PARN: variants seen among roughly 807,000 people sequenced by gnomAD.
PARN encodes the protein poly(A)-specific ribonuclease, also known as poly(A)-specific ribonuclease PARN.
PARN carries 71 observed loss-of-function variants against 102.8 expected under a neutral mutation model. The observed-to-expected ratio is 0.69, with a 90% confidence interval of 0.57 to 0.84. PARN has a LOEUF of 0.84. Among genes scored for constraint, PARN ranks in the 40% least tolerant of loss-of-function variants. PARN has a pLI of 0.00. For synonymous variants in PARN, 261 were observed against 252.9 expected (o/e 1.03, Z -0.30); for missense variants, 782 against 760.9 (o/e 1.03, Z -0.33).
At chr16:14,622,514 T>C (rs756764616) in intron 5 of PARN, among the ~76,000 whole-genome samples, 1 of 152,132 alleles carries the variant, frequency 6.6e-6, no homozygotes, top group African/African-American at 2.4e-5. Context: ...ATTCCATATA[T>C]ATATATTTGA....
Position 14,486,200 on chromosome 16 carries a change from C to A in PARN, c.1481-3373G>T, listed in dbSNP as rs540402188. ...CAAAACCCCATTCTCCACACACACA[C>A]AAAAAAAACCACAAAAATTAGCCAG... is the stretch of plus-strand genomic sequence containing the variant. On this transcript the variant is annotated intron_variant, in intron 21 of 23. Coordinates refer to ENST00000437198, the MANE Select transcript of PARN (RefSeq NM_002582.4). Among the ~76,000 whole-genome samples, 53 of 151,660 alleles carry A rather than the reference C, an allele frequency of 3.5e-4. No homozygotes were observed. In the South Asian group the frequency reaches 6.1e-3, roughly 17 times the overall value.
chr16:14,612,510 A>G (rs1248213618), intron 6 of PARN, among the ~76,000 whole-genome samples: 1 of 152,230 alleles, frequency 6.6e-6, no homozygotes, highest in Admixed American at 6.5e-5. Context: ...TAGGGCCACT[A>G]ACTGATGTGA....
chr16:14,523,380 A>AT (rs1965839514), intron 21 of PARN, among the ~76,000 whole-genome samples: 1 of 152,146 alleles, frequency 6.6e-6, no homozygotes, highest in Non-Finnish European at 1.5e-5. Context: ...CAGTTAGAAA[A>AT]TGTACTTTCA....
At chr16:14,559,051 C>A (rs1967882418) in intron 18 of PARN, among the ~76,000 whole-genome samples, 1 of 151,900 alleles carries the variant, frequency 6.6e-6, no homozygotes. Flanking sequence ...AAATATAAAA[C>A]CACAAACTCG....
chr16:14,508,889 G>C (rs925727064), intron 21 of PARN, among the ~76,000 whole-genome samples: 1 of 150,474 alleles, frequency 6.6e-6, no homozygotes, highest in African/African-American at 2.4e-5. Context: ...GCAAGACCCA[G>C]TCTCTTAATT....
chr16:14,565,254 G>C (rs1008563550), intron 18 of PARN, among the ~76,000 whole-genome samples: 1 of 152,144 alleles, frequency 6.6e-6, no homozygotes, highest in Non-Finnish European at 1.5e-5. Flanking sequence ...GGCTAGATGG[G>C]AGTGACTGTG....
chr16:14,450,055 C>T (rs773976645), intron 22 of PARN, among the ~76,000 whole-genome samples: 4 of 152,118 alleles, frequency 2.6e-5, no homozygotes, highest in Non-Finnish European at 2.9e-5. Context: ...CTGCAAAGTA[C>T]CTAAATGTCT....
chr16:14,547,652 G>A (rs1967036403), intron 21 of PARN, among the ~76,000 whole-genome samples: 1 of 152,104 alleles, frequency 6.6e-6, no homozygotes, highest in Admixed American at 6.5e-5. Context: ...CGAGGCTGCA[G>A]TGAGTTATAA....
intron 12 of PARN, among the ~76,000 whole-genome samples, chr16:14,595,054 G>T (rs185084640): frequency 6.6e-6 from 1 of 152,310 alleles, no homozygotes; most frequent in East Asian, 1.9e-4. Context: ...TTGGAAAAGA[G>T]CATCTTGACT....
chr16:14,475,248 T>C (rs1962975232), intron 22 of PARN, among the ~76,000 whole-genome samples: 2 of 152,198 alleles, frequency 1.3e-5, no homozygotes, highest in South Asian at 2.1e-4. Context: ...TTAGAGAACA[T>C]TACAGTATTA....
intron 21 of PARN, among the ~76,000 whole-genome samples, chr16:14,519,973 T>C (rs1035080121): frequency 6.6e-6 from 1 of 152,116 alleles, no homozygotes. Flanking sequence ...TACTAGATAC[T>C]AGATGTGCTT....
At position 14,606,494 on chromosome 16, in the gene PARN, T is replaced by C. The variant is rs757910862; in HGVS notation, c.692A>G (p.Glu231Gly). 53 of 1,574,392 alleles carry C rather than the reference T, an allele frequency of 3.4e-5. No homozygotes were observed. The Middle Eastern group carries it at 6.7e-4, about 20-fold the overall frequency. The change falls in exon 10 of 24, where the codon GAA becomes GGA. Residue 231 changes from glutamate to glycine, a missense_variant. Physicochemically the swap from Glu to Gly is moderately conservative, Grantham distance 98. Transcript: ENST00000437198. ...YPKGIHVETL[E>G]TEKKERYIVI... is the part of the protein sequence containing the mutation. ...AATTCTTGGGGTTACCTTTTCAGTT[T>C]CTAAAGTCTCAACATGAATGCCTTT...
At chr16:14,514,544 T>C (rs898785684) in intron 21 of PARN, among the ~76,000 whole-genome samples, 3 of 152,088 alleles carry the variant, frequency 2.0e-5, no homozygotes, top group African/African-American at 7.2e-5. Context: ...TGAACAATCA[T>C]TTGATGGAGG....
intron 18 of PARN, among the ~76,000 whole-genome samples, chr16:14,578,380 C>A (rs528323328): frequency 6.8e-6 from 1 of 147,262 alleles, no homozygotes; most frequent in South Asian, 2.2e-4. Flanking sequence ...CTTGGCTAGG[C>A]GCGGTGACTA....
chr16:14,467,550 A>G (rs1011741917), intron 22 of PARN, among the ~76,000 whole-genome samples: 1 of 152,242 alleles, frequency 6.6e-6, no homozygotes, highest in Admixed American at 6.5e-5. Context: ...ATGACACCTA[A>G]TGTAATACTC....
At chr16:14,588,892 T>A (rs1970011061) in intron 13 of PARN, among the ~76,000 whole-genome samples, 1 of 142,738 alleles carries the variant, frequency 7.0e-6, no homozygotes, top group Non-Finnish European at 1.5e-5. Flanking sequence ...AAAAAACAAA[T>A]GAACAGGCTG....
At chr16:14,452,634 C>T (rs1293216640) in intron 22 of PARN, among the ~76,000 whole-genome samples, 2 of 152,174 alleles carry the variant, frequency 1.3e-5, no homozygotes, top group African/African-American at 4.8e-5. Context: ...ACCGCACCCA[C>T]CCTACAGCAT....
chr16:14,608,551 T>C (rs1243660891), intron 8 of PARN, among the ~76,000 whole-genome samples: 1 of 152,196 alleles, frequency 6.6e-6, no homozygotes, highest in African/African-American at 2.4e-5. Flanking sequence ...GAAGTTCTCG[T>C]CTAATCAAAA....
chr16:14,611,432 A>G (rs1166668476), intron 6 of PARN, among the ~76,000 whole-genome samples: 1 of 152,212 alleles, frequency 6.6e-6, no homozygotes, highest in Non-Finnish European at 1.5e-5. Flanking sequence ...TTACCTGCAT[A>G]ATGTTTCAAA....
Sources: allele counts gnomAD v4.1 joint callset (sites outside exome capture counted in the v4.1 genomes callset), GRCh38; gene constraint gnomAD v4.1.1; transcripts MANE v1.5; gene names NCBI Gene and HGNC (gene_info 2026-07-23, HGNC 2026-07-21).